Variants in EFCAB12 observed in about 807,000 individuals in gnomAD.
The protein encoded by EFCAB12 is EF-hand calcium binding domain 12.
Under a neutral mutation model 53.6 loss-of-function variants are expected in EFCAB12, and 43 were observed. The observed-to-expected ratio is 0.80, with a 90% CI of 0.63 to 1.03. The LOEUF (loss-of-function observed/expected upper bound fraction) is 1.03, where lower values mean the gene tolerates loss of function less well. EFCAB12 is among the 50% of genes least tolerant of loss of function. The probability of loss-of-function intolerance (pLI) is 0.00; values close to 1 mark genes in which losing one functional copy is unlikely to be tolerated. For missense variants in EFCAB12, 646 were observed against 730.6 expected, an observed-to-expected ratio of 0.88 and a Z score of 1.34; for synonymous variants, 269 against 289.2, an observed-to-expected ratio of 0.93 and a Z score of 0.71.
At chr3:129,417,181 C>T (rs979260734) in intron 3 of EFCAB12, among the ~76,000 whole-genome samples, 5 of 151,554 alleles carry the variant, frequency 3.3e-5, no homozygotes, top group Admixed American at 2.6e-4. Flanking sequence ...AAAAATTAGC[C>T]GGGCGTGGTG....
At position 129,404,250 on chromosome 3, in the gene EFCAB12, T is replaced by C. The variant is rs2071915749; in HGVS notation, c.1403A>G (p.Lys468Arg). The change falls in exon 7 of 9, where the codon AAG (lysine) becomes AGG (arginine). Residue 468 changes from lysine to arginine, a missense_variant and splice_region_variant. Coordinates refer to ENST00000505956, the MANE Select transcript of EFCAB12 (RefSeq NM_207307.3). ...GGAGAAAGGGGGTCCGAAACTCAGC[T>C]TGTCAGTCCTCTTAGACTTGCCAGG... ...QGPGKSKRTD[K>R]KTPKKSKKMR... The C allele has an allele frequency of 6.2e-7, 1 of 1,611,698 alleles. No homozygotes were observed. Among genetic ancestry groups the C allele is most frequent in the African/African-American group, 1.3e-5 (1 of 74,808 alleles).
At chr3:129,412,500 T>C (rs769113498) in intron 4 of EFCAB12, 1 of 152,048 alleles carries the variant, frequency 6.6e-6, no homozygotes, top group African/African-American at 2.4e-5. Flanking sequence ...ACCGACCAGA[T>C]CGCCTCATTC....
chr3:129,415,487 C>A, intron 3 of EFCAB12, 86 bp from the exon 4 acceptor site: 1 of 1,520,740 alleles, frequency 6.6e-7, no homozygotes, highest in Non-Finnish European at 8.9e-7. Context: ...CCTCCTCAGA[C>A]CCCCATCCTG....
intron 3 of EFCAB12, 115 bp downstream of exon 3, chr3:129,418,139 A>G (rs926290985): frequency 1.0e-6 from 1 of 965,764 alleles, no homozygotes; most frequent in Non-Finnish European, 1.5e-6. Flanking sequence ...CCTTGTGTCT[A>G]CTTCTCAGTT....
At chr3:129,409,274 A>T (rs1344068205) in intron 5 of EFCAB12, among the ~76,000 whole-genome samples, 1 of 151,938 alleles carries the variant, frequency 6.6e-6, no homozygotes, top group African/African-American at 2.4e-5. Context: ...ACATGGCAAA[A>T]CTCTGTCTCT....
At chr3:129,427,984 C>T (rs1424975613) in intron 1 of EFCAB12, among the ~76,000 whole-genome samples, 3 of 152,190 alleles carry the variant, frequency 2.0e-5, no homozygotes, top group Non-Finnish European at 2.9e-5. Flanking sequence ...AACTGTTCCT[C>T]CCCATCCCAT....
At chr3:129,415,499 T>C in intron 3 of EFCAB12, 98 bp from the exon 4 acceptor site, 1 of 1,480,878 alleles carries the variant, frequency 6.8e-7, no homozygotes, top group Non-Finnish European at 9.1e-7. Flanking sequence ...CCCATCCTGC[T>C]TCCAGTTTCA....
chr3:129,418,043 CG>C (rs1304881925), intron 3 of EFCAB12, among the ~76,000 whole-genome samples: 2 of 152,180 alleles, frequency 1.3e-5, no homozygotes, highest in African/African-American at 4.8e-5. Context: ...CAGACTGGTG[CG>C]GGGCAGATAT....
At position 129,408,781 on chromosome 3, in the gene EFCAB12, G is replaced by T. The variant is rs560485248; in HGVS notation, c.1113C>A (p.Cys371Ter). ...TATCCCCGTGGATGGTGGACGGGAG[G>T]CAGTGCTCATCAAAGTGCCGATTCC... ...RCGNRHFDEH[C>*]LPSTIHGDMR... The change falls in exon 6 of 9, where the codon TGC (cysteine) becomes TGA (stop). Residue 371 changes from cysteine (C) to a stop codon, truncating the protein, a stop_gained. Coordinates refer to ENST00000505956, the MANE Select transcript of EFCAB12 (RefSeq NM_207307.3). LOFTEE classifies it high-confidence loss of function. 10 of 1,578,422 alleles carry T rather than the reference G, an allele frequency of 6.3e-6. No individual in the cohort carries two copies. The South Asian group carries it at 9.3e-5, about 15-fold the overall frequency.
chr3:129,422,347 T>C (rs2107742311), intron 1 of EFCAB12, among the ~76,000 whole-genome samples: 1 of 152,354 alleles, frequency 6.6e-6, no homozygotes, highest in East Asian at 1.9e-4. Flanking sequence ...TCTGCTATTA[T>C]TGGTATATAC....
chr3:129,406,866 GT>G (rs57346398), intron 6 of EFCAB12, among the ~76,000 whole-genome samples: 47,462 of 140,812 alleles, frequency 0.34, 11,609 homozygotes, highest in African/African-American at 0.68. Context: ...ATTTTGGTGG[GT>G]TTTTTTTTTT....
intron 3 of EFCAB12, 78 bp from the exon 4 acceptor site, chr3:129,415,479 T>G: frequency 3.2e-6 from 5 of 1,555,586 alleles, no homozygotes; most frequent in Non-Finnish European, 4.4e-6. Context: ...CTTACCAGCC[T>G]CCTCAGACCC....
At position 129,408,839 on chromosome 3, in the gene EFCAB12, T is replaced by C. The variant is rs1206623356; in HGVS notation, c.1055A>G (p.Gln352Arg). The C allele has an allele frequency of 3.8e-6, 6 of 1,572,424 alleles. No homozygotes were observed. The highest frequency in any genetic ancestry group is 2.4e-5 in the East Asian group (1 of 42,392). ...RQHKLTIPSI[Q>R]YTEQCHLVRC... ...CACCAGGTGACATTGCTCCGTGTAC[T>C]GGATGGAGGGGATCGTGAGCTGCGA... Residue 352 changes from glutamine to arginine, a missense_variant, in exon 6 of 9, where the codon CAG becomes CGG. Transcript: ENST00000505956.
Position 129,404,237 on chromosome 3 carries a change from T to C in EFCAB12, c.1403+13A>G. ...GAGGCCAAGGCAGGGAGAAAGGGGG[T>C]CCGAAACTCAGCTTGTCAGTCCTCT... On this transcript the variant is annotated intron_variant, in intron 7 of 8. Transcript: ENST00000505956. 6.2e-7 allele frequency: 1 copy of C among 1,606,832 alleles called. No homozygotes were observed. Among genetic ancestry groups the C allele is most frequent in the Non-Finnish European group, 8.5e-7 (1 of 1,175,906 alleles).
chr3:129,425,156 G>A (rs1406176490), intron 1 of EFCAB12, among the ~76,000 whole-genome samples: 1 of 152,006 alleles, frequency 6.6e-6, no homozygotes, highest in Non-Finnish European at 1.5e-5. Context: ...TGCAGGCCAC[G>A]GGAACACAAA....
At position 129,411,169 on chromosome 3, in the gene EFCAB12, G is replaced by A. The variant is rs375114254; in HGVS notation, c.1024C>T (p.Arg342Ter). 69 of 1,587,932 alleles carry A rather than the reference G, an allele frequency of 4.3e-5. No homozygotes were observed. Among genetic ancestry groups the A allele is most frequent in the Non-Finnish European group, 5.7e-5 (66 of 1,167,512 alleles). ...GGCTGGCGAGGTACCTTGTGCTGTC[G>A]CTGCCGCTCGCGGTACCGCTTGCCC... is the stretch of plus-strand genomic sequence containing the variant. ...EVGKRYRERQ[R>*]QHKLTIPSIQ... The change falls in exon 5 of 9, where the codon CGA becomes TGA. Residue 342 changes from arginine (R) to a stop codon, truncating the protein, a stop_gained. Transcript: ENST00000505956. LOFTEE classifies it high-confidence loss of function.
intron 4 of EFCAB12, chr3:129,414,134 G>T (rs1559788190): frequency 6.6e-6 from 1 of 152,250 alleles, no homozygotes; most frequent in South Asian, 2.1e-4. Context: ...GACTGTTGGG[G>T]TGCTGAGCTT....
In EFCAB12 at chr3:129,411,159, T is replaced by C. The variant is rs757109778; in HGVS notation, c.1034A>G (p.Lys345Arg). 11 of 1,573,908 alleles carry C rather than the reference T, an allele frequency of 7.0e-6. No homozygotes were observed. Among genetic ancestry groups the C allele is most frequent in the South Asian group, 2.3e-5 (2 of 86,780 alleles). The change falls in exon 5 of 9, where the codon AAG (lysine) becomes AGG (arginine). Residue 345 changes from lysine (K) to arginine (R), a missense_variant and splice_region_variant. By Grantham distance (26) the Lys-to-Arg change is conservative. Transcript: ENST00000505956. ...GCTCTCCTTGGGCTGGCGAGGTACC[T>C]TGTGCTGTCGCTGCCGCTCGCGGTA... ...KRYRERQRQH[K>R]LTIPSIQYTE...
chr3:129,422,429 C>T (rs2072200370), intron 1 of EFCAB12, among the ~76,000 whole-genome samples: 1 of 152,206 alleles, frequency 6.6e-6, no homozygotes, highest in South Asian at 2.1e-4. Flanking sequence ...GGCCCCTCTT[C>T]TGTCAACCTG....
Sources: allele counts gnomAD v4.1 joint callset (sites outside exome capture counted in the v4.1 genomes callset), GRCh38; gene constraint gnomAD v4.1.1; transcripts MANE v1.5; gene names NCBI Gene and HGNC (gene_info 2026-07-23, HGNC 2026-07-21).